PER3: variants seen among roughly 807,000 people sequenced by gnomAD.
PER3 encodes period circadian protein homolog 3.
Under a neutral mutation model 127.2 loss-of-function variants are expected in PER3, and 107 were observed. That is an observed-to-expected ratio of 0.84 (90% confidence interval 0.72 to 0.99). PER3 has a LOEUF of 0.99. Ranked by LOEUF, PER3 falls within the 50% of genes least tolerant of loss-of-function variation. The probability of loss-of-function intolerance (pLI) is 0.00; values close to 1 mark genes in which losing one functional copy is unlikely to be tolerated. For missense variants in PER3, 1,560 were observed against 1,525.8 expected (o/e 1.02, Z -0.37); for synonymous variants, 618 against 585.8 (o/e 1.05, Z -0.79).
chr1:7,810,077 G>C (rs1227767288), intron 12 of PER3, 56 bp downstream of exon 12: 2 of 1,519,882 alleles, frequency 1.3e-6, no homozygotes, highest in Non-Finnish European at 1.8e-6. Context: ...GTACTACCTC[G>C]GTTCTGAATG....
intron 13 of PER3, among the ~76,000 whole-genome samples, chr1:7,817,614 C>G (rs573189240): frequency 6.6e-6 from 1 of 152,144 alleles, no homozygotes; most frequent in Non-Finnish European, 1.5e-5. Context: ...GAAAGCCACA[C>G]AAAGCAGAAG....
chr1:7,814,239 A>G (rs566113183), intron 13 of PER3, among the ~76,000 whole-genome samples: 42 of 152,384 alleles, frequency 2.8e-4, no homozygotes, highest in Non-Finnish European at 5.1e-4. Flanking sequence ...GGAATTTTCT[A>G]CTGAGCCAAA....
intron 13 of PER3, among the ~76,000 whole-genome samples, chr1:7,816,840 AAACTT>A (rs930834031): frequency 3.0e-4 from 45 of 152,366 alleles, no homozygotes; most frequent in African/African-American, 1.1e-3. Context: ...ACTGAAATAG[AAACTT>A]AAGTTCACGC....
chr1:7,806,812 A>ATATATATATATATAT (rs1553309916), intron 10 of PER3, among the ~76,000 whole-genome samples: 16 of 60,630 alleles, frequency 2.6e-4, no homozygotes, highest in South Asian at 7.5e-4. Flanking sequence ...AAAAAAAAAA[A>ATATATATATATATAT]ATATATATAT....
chr1:7,831,800 AC>A (rs1328064121), intron 19 of PER3, among the ~76,000 whole-genome samples: 4 of 152,156 alleles, frequency 2.6e-5, no homozygotes, highest in Non-Finnish European at 5.9e-5. Context: ...ATATTTTGTT[AC>A]GCATTATTGC....
Position 7,815,991 on chromosome 1 carries a change from C to CAAAAAA in PER3, c.1523-3273_1523-3268dup, listed in dbSNP as rs34144861. 1.8e-4 allele frequency among the ~76,000 whole-genome samples: 12 copies of CAAAAAA among 67,660 alleles called. No homozygotes were observed. The East Asian group carries it at 2.3e-3, about 13-fold the overall frequency. 44.4% of individuals were successfully genotyped at this position (67,660 alleles called of 152,430 possible). A position where few individuals can be genotyped will look rare whatever the true frequency, so the allele number is the denominator to read the frequency against. ...CTGGGCGACAGAGCGGACTCCGTCT[C>CAAAAAA]AAAAAAAAAAAAAAAAAAAAAAAAA... On this transcript the variant is annotated intron_variant, in intron 13 of 21. Coordinates refer to ENST00000377532, the MANE Select transcript of PER3 (RefSeq NM_001377275.1).
At chr1:7,787,433 A>G in intron 4 of PER3, 1 of 449,246 alleles carries the variant, frequency 2.2e-6, no homozygotes. Context: ...AATCCCTAGT[A>G]TTATAACAGT....
intron 17 of PER3, 78 bp from the exon 18 acceptor site, chr1:7,827,040 T>C (rs2097304601): frequency 8.9e-6 from 10 of 1,125,042 alleles, no homozygotes; most frequent in East Asian, 2.6e-5. Flanking sequence ...CAGCTACTTA[T>C]AACTACCTGT....
chr1:7,843,993 G>A lies in PER3; in HGVS notation c.*1238G>A. Reference sequence around the variant, plus strand: ...CAAATAGAAGAAAATGAGGGTTACAGTAACCTGTTGTCTTTATATAACTTG... The same window carrying A: ...CAAATAGAAGAAAATGAGGGTTACAATAACCTGTTGTCTTTATATAACTTG... On this transcript the variant is annotated 3_prime_UTR_variant, in exon 22 of 22. Transcript: ENST00000377532. 1.6e-6 allele frequency: 2 copies of A among 1,225,986 alleles called. No homozygotes were observed. Among genetic ancestry groups the A allele is most frequent in the Non-Finnish European group, 2.1e-6 (2 of 952,424 alleles). The allele number at this position is 1,225,986 out of a possible 1,614,324, so 75.9% of individuals were successfully genotyped here. A position where few individuals can be genotyped will look rare whatever the true frequency, so the allele number is the denominator to read the frequency against.
intron 18 of PER3, 92 bp downstream of exon 18, chr1:7,827,907 CAGT>C (rs2097310629): frequency 1.1e-6 from 1 of 947,838 alleles, no homozygotes. Context: ...CTGACATTCT[CAGT>C]AGGTAATCCG....
rs1296155928 is a variant in PER3, at chr1:7,827,167, G to A, written c.2238G>A (p.Lys746=). The A allele has an allele frequency of 1.9e-6, 3 of 1,612,026 alleles. No individual in the cohort carries two copies. The highest frequency in any genetic ancestry group is 1.7e-5 in the Admixed American group (1 of 59,716). ...QTRSAGCRKG[K]HKRKKLPEPP... is the part of the protein sequence containing the mutation. ...GGTCGGCCGGCTGCAGGAAAGGGAA[G>A]CACAAGCGGAAGAAGCTGCCGGAGC... The change falls in exon 18 of 22, where the codon AAG becomes AAA. Residue 746 remains lysine (K), a synonymous_variant. Transcript: ENST00000377532.
intron 3 of PER3, among the ~76,000 whole-genome samples, chr1:7,786,039 G>A (rs965827080): frequency 3.3e-5 from 5 of 152,152 alleles, no homozygotes; most frequent in Admixed American, 1.3e-4. Flanking sequence ...GGCAGATCAC[G>A]AGGTCAGGAG....
chr1:7,835,110 TAGAG>T (rs1291929969), intron 19 of PER3, among the ~76,000 whole-genome samples: 2 of 152,082 alleles, frequency 1.3e-5, no homozygotes, highest in East Asian at 3.9e-4. Context: ...AGGCAGGAAA[TAGAG>T]AGGTTGAAAA....
Position 7,810,453 on chromosome 1 carries a change from G to T in PER3, c.1387G>T (p.Val463Phe). Reference sequence around the variant, plus strand: ...TTTCCCTAAGATGACCTTGCAGCAGGTCTATGCCAGTGTGAACAAAATTAA... The same window carrying T: ...TTTCCCTAAGATGACCTTGCAGCAGTTCTATGCCAGTGTGAACAAAATTAA... ...TKAEQMTLQQ[V>F]YASVNKIKNL... is the part of the protein sequence containing the mutation. Residue 463 changes from valine (V) to phenylalanine (F), a missense_variant, in exon 13 of 22, where the codon GTC becomes TTC. By Grantham distance (50) the Val-to-Phe change is conservative. Around this residue, in one of 3 missense-constraint regions of PER3, gnomAD observed 1,332 missense variants for 1,223.6 expected, o/e 1.09. Coordinates refer to ENST00000377532, the MANE Select transcript of PER3 (RefSeq NM_001377275.1). 1 of 1,609,772 alleles carries T rather than the reference G, an allele frequency of 6.2e-7. No individual in the cohort carries two copies. The highest frequency in any genetic ancestry group is 8.5e-7 in the Non-Finnish European group (1 of 1,177,466).
chr1:7,810,844 C>T (rs1287278872), intron 13 of PER3: 2 of 286,182 alleles, frequency 7.0e-6, no homozygotes, highest in African/African-American at 2.2e-5. Context: ...ATTAACTTCT[C>T]TGTAAATACC....
In PER3 at chr1:7,827,242, G is replaced by A. The variant is rs764305920; in HGVS notation, c.2313G>A (p.Ala771=). The change falls in exon 18 of 22, where the codon GCG becomes GCA. Residue 771 remains alanine (A), a synonymous_variant. Coordinates refer to ENST00000377532, the MANE Select transcript of PER3 (RefSeq NM_001377275.1). ...SNTGSGPRRG[A]HQNAQPCCPS... ...CCGGCTCTGGTCCCCGCAGGGGAGC[G>A]CATCAGAACGCACAGCCCTGCTGCC... 1 of 1,613,718 alleles carries A rather than the reference G, an allele frequency of 6.2e-7. No individual in the cohort carries two copies. Among genetic ancestry groups the A allele is most frequent in the African/African-American group, 1.3e-5 (1 of 74,926 alleles).
At chr1:7,803,591 A>G in intron 9 of PER3, 101 bp from the exon 10 acceptor site, 1 of 786,326 alleles carries the variant, frequency 1.3e-6, no homozygotes. Context: ...CAATCTCAAA[A>G]AAAACCACTA....
intron 19 of PER3, among the ~76,000 whole-genome samples, chr1:7,834,522 C>T (rs754345400): frequency 6.6e-6 from 1 of 152,180 alleles, no homozygotes; most frequent in African/African-American, 2.4e-5. Flanking sequence ...CTGATGCAAT[C>T]ATAGCTCACT....
At position 7,827,654 on chromosome 1, in the gene PER3, A is replaced by G; in HGVS notation, c.2725A>G (p.Arg909Gly). ...LDPPPSVTSQ[R>G]REEEKWEAQS... ...CCCACCCCCTTCAGTCACCAGCCAA[A>G]GGAGAGAGGAGGAAAAGTGGGAGGC... is the stretch of plus-strand genomic sequence containing the variant. The change falls in exon 18 of 22, where the codon AGG becomes GGG. Residue 909 changes from arginine to glycine, a missense_variant. This residue lies in a region of PER3 where 1,332 missense variants were observed against 1,223.6 expected (regional missense o/e 1.09). Transcript: ENST00000377532. 1.9e-6 allele frequency: 3 copies of G among 1,614,182 alleles called. No homozygotes were observed. The highest frequency in any genetic ancestry group is 2.5e-6 in the Non-Finnish European group (3 of 1,180,036).
Sources: gnomAD v4.1 joint callset for allele counts (sites outside exome capture counted in the v4.1 genomes callset) on GRCh38, gnomAD v4.1.1 for gene constraint, gnomAD v4.1.1 regional missense constraint, MANE v1.5 for transcripts, NCBI Gene and HGNC (gene_info 2026-07-23, HGNC 2026-07-21) for gene names.